Variants in ASPH observed in about 807,000 individuals in gnomAD.
The protein encoded by ASPH is aspartyl/asparaginyl beta-hydroxylase.
In ASPH, 100 loss-of-function variants were observed where a neutral mutation model predicts 118.4. That is an observed-to-expected ratio of 0.84 (90% CI 0.72 to 1.00). The LOEUF (loss-of-function observed/expected upper bound fraction) is 1.00, where lower values mean the gene tolerates loss of function less well. ASPH is among the 50% of genes least tolerant of loss of function. The probability of loss-of-function intolerance (pLI) is 0.00; values close to 1 mark genes in which losing one functional copy is unlikely to be tolerated. For synonymous variants in ASPH, 315 were observed against 325.6 expected (o/e 0.97, Z 0.35); for missense variants, 920 against 919.5 (o/e 1.00, Z -0.01).
chr8:61,690,349 A>C (rs1440770279), intron 1 of ASPH, among the ~76,000 whole-genome samples: 2 of 152,206 alleles, frequency 1.3e-5, no homozygotes, highest in East Asian at 1.9e-4. Flanking sequence ...TTTCACTAGA[A>C]AAGGAGGGAC....
intron 18 of ASPH, among the ~76,000 whole-genome samples, chr8:61,559,889 G>A (rs1829186912): frequency 6.6e-6 from 1 of 152,066 alleles, no homozygotes; most frequent in Non-Finnish European, 1.5e-5. Context: ...AACCACAGAA[G>A]ATTTAAAGCC....
At chr8:61,696,660 AG>A in intron 1 of ASPH, among the ~76,000 whole-genome samples, 1 of 49,948 alleles carries the variant, frequency 2.0e-5, no homozygotes, top group East Asian at 5.0e-4. Flanking sequence ...ACGGTCTCAT[AG>A]AAAAAAAAAA....
chr8:61,700,117 C>T (rs924856203), intron 1 of ASPH, among the ~76,000 whole-genome samples: 5 of 152,198 alleles, frequency 3.3e-5, no homozygotes, highest in African/African-American at 9.7e-5. Flanking sequence ...GGAGTGGAGG[C>T]CCAGGGGATT....
chr8:61,619,674 T>A (rs1564033349), intron 13 of ASPH, among the ~76,000 whole-genome samples: 2 of 152,092 alleles, frequency 1.3e-5, no homozygotes, highest in Non-Finnish European at 2.9e-5. Flanking sequence ...CCAGAGAACA[T>A]CCACCCCTCA....
At position 61,553,015 on chromosome 8, in the gene ASPH, T is replaced by A; in HGVS notation, c.1626+16A>T. On this transcript the variant is annotated intron_variant, in intron 20 of 24. Transcript: ENST00000379454. ...ATCCTCTGTTAGAGAGAATCAGAAA[T>A]TCATATACCCATTACCTCTTTGTTC... The A allele has an allele frequency of 6.3e-7, 1 of 1,579,136 alleles. No individual in the cohort carries two copies. Among genetic ancestry groups the A allele is most frequent in the Non-Finnish European group, 8.7e-7 (1 of 1,149,160 alleles).
chr8:61,525,574 C>T (rs1021661290), intron 22 of ASPH, among the ~76,000 whole-genome samples: 5 of 152,290 alleles, frequency 3.3e-5, no homozygotes, highest in Admixed American at 6.5e-5. Context: ...TGCCATGCAA[C>T]GTCACCTCCA....
intron 2 of ASPH, among the ~76,000 whole-genome samples, chr8:61,681,822 T>A (rs1446499386): frequency 6.6e-6 from 1 of 151,922 alleles, no homozygotes; most frequent in Admixed American, 6.6e-5. Context: ...TAAGGAACAC[T>A]GTTATTTTGT....
intron 13 of ASPH, chr8:61,625,862 C>A: frequency 1.0e-6 from 1 of 999,254 alleles, no homozygotes; most frequent in Non-Finnish European, 1.2e-6. Flanking sequence ...GTACACAAGT[C>A]AGTCCAACAG....
intron 13 of ASPH, among the ~76,000 whole-genome samples, chr8:61,630,842 G>A (rs1855229407): frequency 6.6e-6 from 1 of 152,102 alleles, no homozygotes; most frequent in Non-Finnish European, 1.5e-5. Flanking sequence ...AACAGCCTCA[G>A]GCAGGTCCTT....
rs576517464 is a variant in ASPH at position 61,562,331 on chromosome 8, T to C, written c.1437+413A>G. ...ATGCTTGAAAGGCCCCTGTTCTATA[T>C]AGCCTCTCTCTAGACCATACTTCTG... On this transcript the variant is annotated intron_variant, in intron 18 of 24. Transcript: ENST00000379454. Among the ~76,000 whole-genome samples, 10 of 139,122 alleles carry C rather than the reference T, an allele frequency of 7.2e-5. No homozygotes were observed. In the East Asian group the frequency reaches 1.9e-3, roughly 27 times the overall value. 91.3% of individuals were successfully genotyped at this position (139,122 alleles called of 152,430 possible). A position where few individuals can be genotyped will look rare whatever the true frequency, so the allele number is the denominator to read the frequency against.
At chr8:61,554,519 A>G (rs965627066) in intron 19 of ASPH, among the ~76,000 whole-genome samples, 1 of 152,248 alleles carries the variant, frequency 6.6e-6, no homozygotes, top group Admixed American at 6.5e-5. Flanking sequence ...TATGTCCAAT[A>G]TGGTAGCTGC....
intron 24 of ASPH, 112 bp downstream of exon 24, chr8:61,517,416 C>A: frequency 7.0e-7 from 1 of 1,432,044 alleles, no homozygotes; most frequent in Non-Finnish European, 9.5e-7. Flanking sequence ...CACTTTGCTC[C>A]AGTCTACTTC....
intron 1 of ASPH, among the ~76,000 whole-genome samples, chr8:61,703,732 A>C (rs1835813877): frequency 6.6e-6 from 1 of 152,136 alleles, no homozygotes; most frequent in Non-Finnish European, 1.5e-5. Context: ...CTAATCATAA[A>C]CCCTAGCATG....
At chr8:61,596,780 A>C (rs1407814899) in intron 14 of ASPH, among the ~76,000 whole-genome samples, 5 of 152,394 alleles carry the variant, frequency 3.3e-5, no homozygotes. Flanking sequence ...AAATTGGAAG[A>C]AGTGACTGTT....
At chr8:61,629,965 G>A (rs1033042827) in intron 13 of ASPH, among the ~76,000 whole-genome samples, 2 of 152,144 alleles carry the variant, frequency 1.3e-5, no homozygotes, top group South Asian at 4.1e-4. Flanking sequence ...CTGTAAAATG[G>A]AGGTAATGGC....
intron 3 of ASPH, chr8:61,663,214 C>A (rs934603139): frequency 3.2e-5 from 32 of 985,200 alleles, no homozygotes; most frequent in Non-Finnish European, 3.7e-5. Context: ...ACTTTCTTGT[C>A]CCAGAAGCCC....
chr8:61,600,715 C>T (rs1287630711), intron 14 of ASPH, among the ~76,000 whole-genome samples: 1 of 151,174 alleles, frequency 6.6e-6, no homozygotes, highest in Non-Finnish European at 1.5e-5. Context: ...AAATAGAAAA[C>T]ATACAGCAAG....
chr8:61,538,585 T>C (rs1820512478), intron 21 of ASPH, among the ~76,000 whole-genome samples: 1 of 152,226 alleles, frequency 6.6e-6, no homozygotes, highest in African/African-American at 2.4e-5. Context: ...GAACCACTAA[T>C]TTAGTGCTGT....
chr8:61,578,321 C>A, intron 15 of ASPH: 3 of 1,603,096 alleles, frequency 1.9e-6, no homozygotes, highest in Non-Finnish European at 2.6e-6. Flanking sequence ...CCCACATCAG[C>A]TCCTCGAGCT....
Sources: gnomAD v4.1 joint callset for allele counts (sites outside exome capture counted in the v4.1 genomes callset) on GRCh38, gnomAD v4.1.1 for gene constraint, MANE v1.5 for transcripts, NCBI Gene and HGNC (gene_info 2026-07-23, HGNC 2026-07-21) for gene names.